The following BMP5 variants were observed in gnomAD, a reference collection of about 807,000 sequenced individuals.
BMP5 encodes the protein bone morphogenetic protein 5.
In BMP5, 23 loss-of-function variants were observed where a neutral mutation model predicts 46.6. That is an observed-to-expected ratio of 0.49 (90% CI 0.35 to 0.70). The LOEUF is 0.70. Among genes scored for constraint, BMP5 ranks in the 30% least tolerant of loss-of-function variants. The pLI is 0.00. For synonymous variants in BMP5, 204 were observed against 191.9 expected (o/e 1.06, Z -0.52); for missense variants, 545 against 565.6 (o/e 0.96, Z 0.37).
At chr6:55,771,180 A>G (rs748888296) in intron 4 of BMP5, among the ~76,000 whole-genome samples, 16 of 151,814 alleles carry the variant, frequency 1.1e-4, no homozygotes, top group Non-Finnish European at 1.8e-4. Flanking sequence ...CCTGTACTCT[A>G]TTCTTTTCAA....
At chr6:55,854,836 C>G (rs1777345803) in intron 1 of BMP5, among the ~76,000 whole-genome samples, 1 of 151,958 alleles carries the variant, frequency 6.6e-6, no homozygotes, top group Non-Finnish European at 1.5e-5. Context: ...TAAGATTTTT[C>G]CACAGTATTT....
At chr6:55,823,228 A>G (rs945946368) in intron 1 of BMP5, among the ~76,000 whole-genome samples, 1 of 152,106 alleles carries the variant, frequency 6.6e-6, no homozygotes, top group Non-Finnish European at 1.5e-5. Context: ...AGGCTAGTTC[A>G]TTGTTAGTTT....
chr6:55,846,322 G>C (rs1777096729), intron 1 of BMP5, among the ~76,000 whole-genome samples: 1 of 151,868 alleles, frequency 6.6e-6, no homozygotes, highest in Non-Finnish European at 1.5e-5. Flanking sequence ...ATATTGATTT[G>C]ATAATTTTCA....
chr6:55,814,230 C>T (rs948786956), intron 2 of BMP5, among the ~76,000 whole-genome samples: 2 of 151,930 alleles, frequency 1.3e-5, no homozygotes, highest in Non-Finnish European at 2.9e-5. Flanking sequence ...CTTACTTTAT[C>T]TTTACATAAA....
chr6:55,763,022 C>T (rs1258780944), intron 4 of BMP5, among the ~76,000 whole-genome samples: 1 of 152,016 alleles, frequency 6.6e-6, no homozygotes, highest in East Asian at 1.9e-4. Context: ...TCCACGCAAA[C>T]ATTTTCAAAT....
intron 1 of BMP5, among the ~76,000 whole-genome samples, chr6:55,844,807 A>G (rs930582287): frequency 6.6e-6 from 1 of 152,010 alleles, no homozygotes. Flanking sequence ...TACAAGAAAT[A>G]AAACTTATCT....
At chr6:55,792,017 C>CT (rs201245838) in intron 3 of BMP5, among the ~76,000 whole-genome samples, 1 of 152,152 alleles carries the variant, frequency 6.6e-6, no homozygotes, top group Non-Finnish European at 1.5e-5. Flanking sequence ...TAAATTTGTG[C>CT]TTTACTCAGT....
At chr6:55,799,805 T>C (rs1330239479) in intron 2 of BMP5, among the ~76,000 whole-genome samples, 1 of 152,198 alleles carries the variant, frequency 6.6e-6, no homozygotes, top group African/African-American at 2.4e-5. Context: ...CTTCTGTTCC[T>C]AAGTCCCTAT....
intron 1 of BMP5, among the ~76,000 whole-genome samples, chr6:55,871,991 A>T (rs551205596): frequency 2.6e-5 from 4 of 151,966 alleles, no homozygotes; most frequent in African/African-American, 9.6e-5. Context: ...AACTACAGGT[A>T]ATATTTGCTA....
chr6:55,789,269 A>G (rs917407701), intron 3 of BMP5, among the ~76,000 whole-genome samples: 1 of 151,976 alleles, frequency 6.6e-6, no homozygotes, highest in Non-Finnish European at 1.5e-5. Context: ...CCAAACCGAA[A>G]ATGTCTGAAA....
chr6:55,832,670 G>A (rs556903910), intron 1 of BMP5, among the ~76,000 whole-genome samples: 9 of 152,178 alleles, frequency 5.9e-5, no homozygotes, highest in African/African-American at 2.2e-4. Context: ...CATTCAAATC[G>A]GTACCTAACC....
At chr6:55,825,171 C>A (rs1283673859) in intron 1 of BMP5, among the ~76,000 whole-genome samples, 1 of 151,688 alleles carries the variant, frequency 6.6e-6, no homozygotes, top group Non-Finnish European at 1.5e-5. Flanking sequence ...AACATCAAAA[C>A]TTCAGCAAAA....
At chr6:55,871,194 G>A (rs1366629766) in intron 1 of BMP5, among the ~76,000 whole-genome samples, 1 of 151,658 alleles carries the variant, frequency 6.6e-6, no homozygotes, top group African/African-American at 2.4e-5. Context: ...CTAACACTTA[G>A]CACTTTTGAC....
chr6:55,782,240 C>CA (rs1222503841), intron 3 of BMP5, among the ~76,000 whole-genome samples: 1 of 151,852 alleles, frequency 6.6e-6, no homozygotes, highest in Non-Finnish European at 1.5e-5. Context: ...CATTGTACCG[C>CA]AAAAATATGT....
intron 1 of BMP5, among the ~76,000 whole-genome samples, chr6:55,833,978 T>C (rs1373962130): frequency 2.6e-5 from 4 of 152,126 alleles, no homozygotes; most frequent in Admixed American, 6.6e-5. Flanking sequence ...ACAATATGTA[T>C]TTAGTAAAAG....
chr6:55,757,873 G>A (rs569105705), intron 6 of BMP5, among the ~76,000 whole-genome samples: 13 of 151,876 alleles, frequency 8.6e-5, no homozygotes, highest in Admixed American at 5.3e-4. Flanking sequence ...ATATTCTGTC[G>A]TATTTTATTA....
At chr6:55,843,173 C>T (rs74907161) in intron 1 of BMP5, among the ~76,000 whole-genome samples, 6 of 151,876 alleles carry the variant, frequency 4.0e-5, no homozygotes, top group Non-Finnish European at 7.4e-5. Flanking sequence ...ATGCAAAACA[C>T]GTTTTTCTCT....
At chr6:55,765,647 ATTG>A (rs1774900715) in intron 4 of BMP5, among the ~76,000 whole-genome samples, 1 of 152,078 alleles carries the variant, frequency 6.6e-6, no homozygotes, top group African/African-American at 2.4e-5. Context: ...TTAAAATGCT[ATTG>A]TTGTTCTAGC....
chr6:55,773,290 A>G (rs1316316015), intron 4 of BMP5, among the ~76,000 whole-genome samples: 1 of 151,924 alleles, frequency 6.6e-6, no homozygotes, highest in Non-Finnish European at 1.5e-5. Flanking sequence ...TTTGAACTAA[A>G]ATAGCCACCA....
Sources: gnomAD v4.1 joint callset for allele counts (sites outside exome capture counted in the v4.1 genomes callset) on GRCh38, gnomAD v4.1.1 for gene constraint, MANE v1.5 for transcripts, NCBI Gene and HGNC (gene_info 2026-07-23, HGNC 2026-07-21) for gene names.